Variants in FLNB observed in about 807,000 individuals in gnomAD.
FLNB encodes the protein filamin B, also known as filamin-B.
Under a neutral mutation model 250.6 loss-of-function variants are expected in FLNB, and 111 were observed. That is an observed-to-expected ratio of 0.44 (90% CI 0.38 to 0.52). The LOEUF (loss-of-function observed/expected upper bound fraction) is 0.52. Ranked by LOEUF, FLNB falls within the 20% of genes least tolerant of loss-of-function variation. FLNB has a pLI of 0.00. For missense variants in FLNB, 2,869 were observed against 3,447.8 expected (o/e 0.83, Z 4.20); for synonymous variants, 1,302 against 1,372.1 (o/e 0.95, Z 1.13).
chr3:58,111,905 C>T (rs2097269334), intron 17 of FLNB, 24 bp downstream of exon 17: 4 of 1,590,960 alleles, frequency 2.5e-6, no homozygotes, highest in Admixed American at 1.7e-5. Context: ...TCTAGGTTGT[C>T]CTGGGCCCCT....
intron 1 of FLNB, among the ~76,000 whole-genome samples, chr3:58,046,852 G>A (rs2097155117): frequency 6.6e-6 from 1 of 152,138 alleles, no homozygotes; most frequent in Non-Finnish European, 1.5e-5. Flanking sequence ...CTATGGATCT[G>A]TCCATTCAGA....
intron 42 of FLNB, chr3:58,162,899 T>C: frequency 2.0e-6 from 1 of 496,774 alleles, no homozygotes; most frequent in South Asian, 2.3e-5. Context: ...AAAGGAAGTG[T>C]TCTTCTGAGG....
In FLNB at chr3:58,123,686, G is replaced by A; in HGVS notation, c.3720G>A (p.Gly1240=). The part of the protein sequence containing the change: ...RIKVFGPGIE[G]KDVFREATTD... ...AAGTCTTTGGACCAGGAATAGAAGG[G>A]AAAGGTGGGTTTCATTTAAAAAAAA... is the stretch of plus-strand genomic sequence containing the variant. Residue 1240 remains glycine, a synonymous_variant, in exon 21 of 46, where the codon GGG becomes GGA. Transcript: ENST00000295956. The A allele has an allele frequency of 6.6e-7, 1 of 1,509,646 alleles. No individual in the cohort carries two copies. Among genetic ancestry groups the A allele is most frequent in the Non-Finnish European group, 9.1e-7 (1 of 1,098,190 alleles). The allele number at this position is 1,509,646 out of a possible 1,614,324, so 93.5% of individuals were successfully genotyped here.
intron 28 of FLNB, among the ~76,000 whole-genome samples, chr3:58,136,681 C>T (rs2097316527): frequency 7.3e-6 from 1 of 137,282 alleles, no homozygotes; most frequent in Non-Finnish European, 1.6e-5. Context: ...TGGTTTCTTT[C>T]TTTTTTTTTC....
At chr3:58,111,706 C>A in intron 16 of FLNB, 85 bp from the exon 17 acceptor site, 1 of 966,520 alleles carries the variant, frequency 1.0e-6, no homozygotes, top group Non-Finnish European at 1.7e-6. Flanking sequence ...CAGAGTGATG[C>A]TAAGGTTCAC....
chr3:58,123,401 C>T lies in FLNB; in HGVS notation c.3435C>T (p.His1145=), dbSNP rs754541813. 21 of 1,614,002 alleles carry T rather than the reference C, an allele frequency of 1.3e-5. No homozygotes were observed. The East Asian group carries it at 2.5e-4, about 19-fold the overall frequency. ...TGGCATCGGGGCCAGGTCTCGAGCA[C>T]GGGAAGGTGGGTGAAGCTGGCCTCC... is the stretch of plus-strand genomic sequence containing the variant. ...KVVASGPGLE[H]GKVGEAGLLS... Residue 1145 remains histidine, a synonymous_variant, in exon 21 of 46, where the codon CAC becomes CAT. Transcript: ENST00000295956.
rs114850118 is a variant in FLNB at position 58,050,699 on chromosome 3, A to G, written c.293-26347A>G. 4.7e-3 allele frequency among the ~76,000 whole-genome samples: 716 copies of G among 152,238 alleles called. 7 individuals are homozygous for G. Among genetic ancestry groups the G allele is most frequent in the African/African-American group, 0.017 (686 of 41,538 alleles). On this transcript the variant is annotated intron_variant, in intron 1 of 45. Coordinates refer to ENST00000295956, the MANE Select transcript of FLNB (RefSeq NM_001457.4). ...TGGCCTCCATCCCACCTGACATTCA[A>G]TGTCAGATTAGAATTTGGAAGACCC... is the stretch of plus-strand genomic sequence containing the variant.
At chr3:58,117,338 T>G (rs1396180752) in intron 18 of FLNB, among the ~76,000 whole-genome samples, 1 of 152,226 alleles carries the variant, frequency 6.6e-6, no homozygotes, top group Non-Finnish European at 1.5e-5. Flanking sequence ...TCTGAGTTTT[T>G]GTTTTGTTTT....
chr3:58,090,110 T>G (rs185963007), intron 4 of FLNB, among the ~76,000 whole-genome samples: 2 of 151,804 alleles, frequency 1.3e-5, no homozygotes, highest in South Asian at 2.1e-4. Context: ...GTAAGCTTTT[T>G]TCTGTGTTTA....
intron 1 of FLNB, among the ~76,000 whole-genome samples, chr3:58,041,769 C>T (rs552523223): frequency 6.6e-6 from 1 of 152,208 alleles, no homozygotes; most frequent in South Asian, 2.1e-4. Context: ...CCTTACAAAT[C>T]CTTCCTGGAA....
chr3:58,060,066 G>A (rs1467240128), intron 1 of FLNB, among the ~76,000 whole-genome samples: 1 of 152,226 alleles, frequency 6.6e-6, no homozygotes, highest in African/African-American at 2.4e-5. Flanking sequence ...AAGGATTCAG[G>A]GGGGTAACTG....
intron 12 of FLNB, 82 bp from the exon 13 acceptor site, chr3:58,108,376 C>G (rs2097263166): frequency 2.3e-6 from 2 of 882,748 alleles, no homozygotes. Context: ...GTTCTTCCCC[C>G]ACCCCCTGGT....
intron 24 of FLNB, 39 bp downstream of exon 24, chr3:58,126,801 AT>A (rs764367065): frequency 4.0e-5 from 64 of 1,594,570 alleles, no homozygotes; most frequent in Non-Finnish European, 5.4e-5. Flanking sequence ...AGAATAATTG[AT>A]TTTGCAGGAA....
chr3:58,145,379 T>C (rs1388878185), intron 32 of FLNB, among the ~76,000 whole-genome samples: 1 of 152,232 alleles, frequency 6.6e-6, no homozygotes, highest in African/African-American at 2.4e-5. Context: ...TAATGGCCCA[T>C]GAGTAGATCA....
chr3:58,163,114 T>C (rs759735348), intron 42 of FLNB, 40 bp from the exon 43 acceptor site: 5 of 1,604,596 alleles, frequency 3.1e-6, no homozygotes, highest in South Asian at 1.1e-5. Flanking sequence ...GGGGTGTCCA[T>C]TTGCTTGATT....
At chr3:58,056,104 T>A (rs928049030) in intron 1 of FLNB, among the ~76,000 whole-genome samples, 3 of 131,526 alleles carry the variant, frequency 2.3e-5, no homozygotes, top group African/African-American at 4.1e-5. Context: ...TTTATTTATT[T>A]ATTTTTTTTT....
At chr3:58,118,831 T>C in intron 18 of FLNB, 41 bp from the exon 19 acceptor site, 1 of 1,497,522 alleles carries the variant, frequency 6.7e-7, no homozygotes, top group Non-Finnish European at 9.3e-7. Context: ...AGTTAGCTTT[T>C]TGGTACCCAA....
At position 58,124,357 on chromosome 3, in the gene FLNB, C is replaced by A. The variant is rs764134582; in HGVS notation, c.3750C>A (p.Asp1250Glu). The A allele has an allele frequency of 4.3e-6, 7 of 1,614,100 alleles. No homozygotes were observed. The highest frequency in any genetic ancestry group is 5.9e-6 in the Non-Finnish European group (7 of 1,180,050). The change falls in exon 22 of 46, where the codon GAC (aspartate) becomes GAA (glutamate). Residue 1250 changes from aspartate to glutamate, a missense_variant. By Grantham distance (45) the Asp-to-Glu change is conservative. This residue lies in a region of FLNB where 1,348 missense variants were observed against 1,466.7 expected (regional missense o/e 0.92). Coordinates refer to ENST00000295956, the MANE Select transcript of FLNB (RefSeq NM_001457.4). ...ATGTGTTCCGGGAAGCTACCACCGA[C>A]TTTACAGTTGACTCTCGGCCGCTGA... is the stretch of plus-strand genomic sequence containing the variant. ...GKDVFREATT[D>E]FTVDSRPLTQ...
chr3:58,148,097 G>C (rs1242884625), intron 34 of FLNB, 109 bp from the exon 35 acceptor site: 19 of 1,105,804 alleles, frequency 1.7e-5, no homozygotes, highest in Non-Finnish European at 2.1e-5. Context: ...ACTTAACTTT[G>C]TGTAATTAGT....
Sources: allele counts gnomAD v4.1 joint callset (sites outside exome capture counted in the v4.1 genomes callset), GRCh38; gene constraint gnomAD v4.1.1; regional missense constraint gnomAD v4.1.1; transcripts MANE v1.5; gene names NCBI Gene and HGNC (gene_info 2026-07-23, HGNC 2026-07-21).